EPB41: variants seen among roughly 807,000 people sequenced by gnomAD.
EPB41 encodes the protein erythrocyte membrane protein band 4.1.
In EPB41, 65 loss-of-function variants were observed where a neutral mutation model predicts 108.0. That is an observed-to-expected ratio of 0.60 (90% confidence interval 0.49 to 0.74). The LOEUF is 0.74. Among genes scored for constraint, EPB41 ranks in the 30% least tolerant of loss-of-function variants. The pLI is 0.00. For missense variants in EPB41, 875 were observed against 1,037.0 expected (o/e 0.84, Z 2.15); for synonymous variants, 336 against 358.9 (o/e 0.94, Z 0.72).
intron 10 of EPB41, among the ~76,000 whole-genome samples, chr1:29,036,531 G>A (rs1436700070): frequency 1.3e-5 from 2 of 152,044 alleles, no homozygotes; most frequent in African/African-American, 4.8e-5. Context: ...AATGTGCTGG[G>A]ATTACAGGCA....
rs188676637 is a variant in EPB41, at chr1:28,947,492, A to C, written c.-8+32724A>C. On this transcript the variant is annotated intron_variant, in intron 1 of 20. Transcript: ENST00000343067. ...GAGGGCAAATGGCTTTCTTTTTATTAGATGCAACCAGGGAAGTCTAGTGTT... is the reference window on the plus strand; with the variant it reads ...GAGGGCAAATGGCTTTCTTTTTATTCGATGCAACCAGGGAAGTCTAGTGTT... 4.6e-5 allele frequency among the ~76,000 whole-genome samples: 7 copies of C among 152,198 alleles called. 1 individual carries two copies. Among genetic ancestry groups the C allele is most frequent in the African/African-American group, 1.7e-4 (7 of 41,532 alleles).
At chr1:28,980,544 TA>T (rs200862698) in intron 1 of EPB41, among the ~76,000 whole-genome samples, 137 of 150,766 alleles carry the variant, frequency 9.1e-4, no homozygotes, top group Non-Finnish European at 1.7e-3. Context: ...ACTCCATCTT[TA>T]AAAAAAATTT....
At chr1:28,925,670 G>T (rs2093406596) in intron 1 of EPB41, among the ~76,000 whole-genome samples, 1 of 152,158 alleles carries the variant, frequency 6.6e-6, no homozygotes, top group South Asian at 2.1e-4. Flanking sequence ...CAAAAGTTAA[G>T]CGGGTTTGGT....
intron 1 of EPB41, among the ~76,000 whole-genome samples, chr1:28,916,506 A>G (rs2092682724): frequency 6.6e-6 from 1 of 152,152 alleles, no homozygotes; most frequent in South Asian, 2.1e-4. Flanking sequence ...GTGTGGTGGC[A>G]TGTGCCTGTA....
At chr1:29,021,848 C>A (rs1424114600) in intron 7 of EPB41, among the ~76,000 whole-genome samples, 15 of 152,308 alleles carry the variant, frequency 9.8e-5, no homozygotes, top group African/African-American at 3.4e-4. Flanking sequence ...TCCCAAAGTG[C>A]TGGGATTACA....
intron 1 of EPB41, among the ~76,000 whole-genome samples, chr1:28,898,643 C>A (rs948857857): frequency 6.6e-6 from 1 of 152,180 alleles, no homozygotes; most frequent in Non-Finnish European, 1.5e-5. Context: ...CCTGGCAGCC[C>A]GTTCTAGCCA....
chr1:29,099,268 TA>T (rs1219575690), intron 17 of EPB41, among the ~76,000 whole-genome samples: 3,034 of 122,212 alleles, frequency 0.025, 47 homozygotes, highest in Admixed American at 0.044. Context: ...TCCACTGCAT[TA>T]AAAAAAAAAA....
chr1:29,069,120 T>C (rs1649974693), intron 16 of EPB41: 3 of 1,213,084 alleles, frequency 2.5e-6, no homozygotes, highest in African/African-American at 1.6e-5. Flanking sequence ...AAAATCATCA[T>C]AATTTTGCAT....
intron 8 of EPB41, 81 bp downstream of exon 8, chr1:29,030,568 G>A: frequency 9.4e-7 from 1 of 1,062,752 alleles, no homozygotes; most frequent in Non-Finnish European, 1.5e-6. Flanking sequence ...TATCACATCT[G>A]TGTCATATAA....
intron 9 of EPB41, among the ~76,000 whole-genome samples, chr1:29,035,269 C>T (rs1413885563): frequency 6.6e-6 from 1 of 152,022 alleles, no homozygotes; most frequent in Non-Finnish European, 1.5e-5. Context: ...AGGCGTAAGC[C>T]ACCGTGCCTG....
chr1:29,024,435 C>G lies in EPB41; in HGVS notation c.1125-5965C>G, dbSNP rs752957159. Reference sequence around the variant, plus strand: ...GATCACGAGGTCAGGAGTTCAAGACCAGCCTGGTCAAGATGGTGAAACCCT... The same window carrying G: ...GATCACGAGGTCAGGAGTTCAAGACGAGCCTGGTCAAGATGGTGAAACCCT... On this transcript the variant is annotated intron_variant, in intron 7 of 20. Transcript: ENST00000343067. Among the ~76,000 whole-genome samples the G allele has an allele frequency of 1.6e-4, 25 of 151,712 alleles. 1 individual carries two copies. The highest frequency in any genetic ancestry group is 2.4e-4 in the Non-Finnish European group (16 of 67,994).
intron 1 of EPB41, among the ~76,000 whole-genome samples, chr1:28,900,991 G>C (rs1473640270): frequency 6.7e-6 from 1 of 149,524 alleles, no homozygotes; most frequent in Non-Finnish European, 1.5e-5. Context: ...GTGCAGTGGC[G>C]AGATCTCAGC....
At chr1:28,944,857 G>A (rs1368062305) in intron 1 of EPB41, among the ~76,000 whole-genome samples, 2 of 151,354 alleles carry the variant, frequency 1.3e-5, no homozygotes, top group Non-Finnish European at 2.9e-5. Context: ...GGGAGGCCGA[G>A]GTGGGAGGAC....
chr1:29,064,642 G>A (rs1647036906), intron 15 of EPB41, among the ~76,000 whole-genome samples: 1 of 152,266 alleles, frequency 6.6e-6, no homozygotes, highest in African/African-American at 2.4e-5. Flanking sequence ...TAATTGAGTT[G>A]TGGAACTACC....
In EPB41 at chr1:28,949,518, GT is replaced by G. The variant is rs1363379430; in HGVS notation, c.-8+34754del. ...TAGATCTTTAAAAATATATTGTTTA[GT>G]TTTGCTTGGTTTTGAGCTTTATAAA... On this transcript the variant is annotated intron_variant, in intron 1 of 20. Coordinates refer to ENST00000343067, the MANE Select transcript of EPB41 (RefSeq NM_001376013.1). 3.3e-5 allele frequency among the ~76,000 whole-genome samples: 5 copies of G among 151,924 alleles called. No homozygotes were observed. The East Asian group carries it at 9.6e-4, about 29-fold the overall frequency.
intron 4 of EPB41, among the ~76,000 whole-genome samples, chr1:29,002,672 A>G (rs1396810062): frequency 6.6e-6 from 1 of 152,150 alleles, no homozygotes; most frequent in Admixed American, 6.5e-5. Context: ...GCTTTATTTT[A>G]GCTATTGGAA....
chr1:29,077,318 C>G (rs1056084355), intron 16 of EPB41, among the ~76,000 whole-genome samples: 2 of 152,080 alleles, frequency 1.3e-5, no homozygotes, highest in South Asian at 2.1e-4. Flanking sequence ...AGCCTGTACT[C>G]CCAGCTACTC....
At chr1:28,991,772 A>G (rs975345990) in intron 2 of EPB41, among the ~76,000 whole-genome samples, 1 of 151,776 alleles carries the variant, frequency 6.6e-6, no homozygotes, top group African/African-American at 2.4e-5. Context: ...TGACTTATTA[A>G]TTGTATGATC....
At chr1:28,952,069 G>A (rs919965288) in intron 1 of EPB41, among the ~76,000 whole-genome samples, 1 of 152,092 alleles carries the variant, frequency 6.6e-6, no homozygotes, top group South Asian at 2.1e-4. Context: ...AGCAAGGGTA[G>A]GGTTAGAGGA....
Sources: gnomAD v4.1 joint callset for allele counts (sites outside exome capture counted in the v4.1 genomes callset) on GRCh38, gnomAD v4.1.1 for gene constraint, MANE v1.5 for transcripts, NCBI Gene and HGNC (gene_info 2026-07-23, HGNC 2026-07-21) for gene names.